The following ZNF346 variants were observed in gnomAD, a reference collection of about 807,000 sequenced individuals.
ZNF346 encodes the protein double-stranded RNA-binding zinc finger protein JAZ.
Under a neutral mutation model 33.7 loss-of-function variants are expected in ZNF346, and 23 were observed. That is an observed-to-expected ratio of 0.68 (90% CI 0.49 to 0.97). The LOEUF (loss-of-function observed/expected upper bound fraction) is 0.97. Ranked by LOEUF, ZNF346 falls within the 50% of genes least tolerant of loss-of-function variation. The pLI is 0.00. For missense variants in ZNF346, 340 were observed against 371.1 expected (o/e 0.92, Z 0.69); for synonymous variants, 134 against 142.4 (o/e 0.94, Z 0.42).
At chr5:177,037,303 C>G (rs1206837352) in intron 1 of ZNF346, among the ~76,000 whole-genome samples, 1 of 152,144 alleles carries the variant, frequency 6.6e-6, no homozygotes. Context: ...GCAATCTCTT[C>G]CAGCCCCACA....
chr5:177,022,891 C>T lies in ZNF346; in HGVS notation c.153C>T (p.Ala51=), dbSNP rs1382218206. 1 of 1,502,160 alleles carries T rather than the reference C, an allele frequency of 6.7e-7. No individual in the cohort carries two copies. The highest frequency in any genetic ancestry group is 1.4e-5 in the African/African-American group (1 of 71,128). The allele number at this position is 1,502,160 out of a possible 1,614,324, so 93.1% of individuals were successfully genotyped here. A position where few individuals can be genotyped will look rare whatever the true frequency, so the allele number is the denominator to read the frequency against. Residue 51 remains alanine, a synonymous_variant, in exon 1 of 7, where the codon GCC becomes GCT. Coordinates refer to ENST00000358149, the MANE Select transcript of ZNF346 (RefSeq NM_012279.4). ...GCCTGTGGGAAGCCGTGTCCGGTGC[C>T]CAGCCGGTGGGTAGAGAGGAAGGTG... is the stretch of plus-strand genomic sequence containing the variant. The part of the protein sequence containing the change: ...ARRLWEAVSG[A]QPVGREEVEH...
intron 1 of ZNF346, among the ~76,000 whole-genome samples, chr5:177,031,998 C>CTTTTT (rs34021834): frequency 4.6e-4 from 31 of 67,820 alleles, no homozygotes; most frequent in East Asian, 1.8e-3. Flanking sequence ...TTTCTTTTTT[C>CTTTTT]TTTTTTTTTT....
Position 177,041,843 on chromosome 5 carries a change from G to A in ZNF346, c.345G>A (p.Gly115=). The change falls in exon 3 of 7, where the codon GGG becomes GGA. Residue 115 remains glycine, a synonymous_variant. Transcript: ENST00000358149. ...LAIHGMETLK[G]ETKKLDSDQK... ...TCCATGGAATGGAGACATTAAAGGG[G>A]GAAACGAAGAAGCTAGACTCAGATC... The A allele has an allele frequency of 2.5e-6, 4 of 1,613,282 alleles. No homozygotes were observed. Among genetic ancestry groups the A allele is most frequent in the Non-Finnish European group, 3.4e-6 (4 of 1,179,334 alleles).
intron 8 of ZNF346, among the ~76,000 whole-genome samples, chr5:177,075,804 A>G (rs1783720882): frequency 6.6e-6 from 1 of 152,078 alleles, no homozygotes; most frequent in African/African-American, 2.4e-5. Flanking sequence ...CTCCTGTCTC[A>G]GCCTCCCAAT....
At chr5:177,054,670 A>G (rs1781432050) in intron 5 of ZNF346, among the ~76,000 whole-genome samples, 1 of 152,142 alleles carries the variant, frequency 6.6e-6, no homozygotes. Context: ...AAGTGCTGGG[A>G]TTACAGGCGT....
intron 4 of ZNF346, among the ~76,000 whole-genome samples, chr5:177,046,678 C>G (rs545776301): frequency 6.6e-6 from 1 of 152,310 alleles, no homozygotes; most frequent in African/African-American, 2.4e-5. Context: ...CAGATAAACA[C>G]TGTTAACATT....
downstream of ZNF346, among the ~76,000 whole-genome samples, chr5:177,068,930 T>C (rs1230672494): frequency 7.0e-6 from 1 of 143,398 alleles, no homozygotes; most frequent in Non-Finnish European, 1.5e-5. Context: ...CACTTACATG[T>C]ATACATTGGG....
chr5:177,074,405 G>A (rs1006566140), intron 8 of ZNF346, among the ~76,000 whole-genome samples: 18 of 152,158 alleles, frequency 1.2e-4, no homozygotes, highest in Non-Finnish European at 2.4e-4. Flanking sequence ...TCACTTCTTA[G>A]GGAGCACCTG....
At chr5:177,031,699 CTT>C (rs1491421320) in intron 1 of ZNF346, among the ~76,000 whole-genome samples, 1 of 152,040 alleles carries the variant, frequency 6.6e-6, no homozygotes, top group Non-Finnish European at 1.5e-5. Flanking sequence ...CTCTCTCTCT[CTT>C]CTCTCTTCTT....
At chr5:177,053,628 A>AG (rs1286184845) in intron 5 of ZNF346, among the ~76,000 whole-genome samples, 3 of 152,152 alleles carry the variant, frequency 2.0e-5, no homozygotes, top group African/African-American at 7.2e-5. Context: ...CTGTTAAGAG[A>AG]GGGAAAAAAA....
downstream of ZNF346, among the ~76,000 whole-genome samples, chr5:177,070,218 T>C (rs1490088846): frequency 2.6e-5 from 4 of 152,116 alleles, no homozygotes; most frequent in Non-Finnish European, 5.9e-5. Flanking sequence ...GCACTTGGTG[T>C]TGTCAGTTTT....
chr5:177,043,143 C>T (rs1205185467), intron 3 of ZNF346, among the ~76,000 whole-genome samples: 1 of 152,136 alleles, frequency 6.6e-6, no homozygotes, highest in Non-Finnish European at 1.5e-5. Flanking sequence ...TGAGCCACTG[C>T]GCCCAGCCGC....
chr5:177,071,010 G>C (rs886305875), downstream of ZNF346, among the ~76,000 whole-genome samples: 1 of 152,198 alleles, frequency 6.6e-6, no homozygotes, highest in East Asian at 1.9e-4. Context: ...CAAAGCAGCT[G>C]TTTGAATATA....
downstream of ZNF346, among the ~76,000 whole-genome samples, chr5:177,067,991 C>G (rs1783316879): frequency 6.6e-6 from 1 of 152,040 alleles, no homozygotes; most frequent in Non-Finnish European, 1.5e-5. Flanking sequence ...AGGAACAAGG[C>G]TGAAAAAGGT....
chr5:177,040,261 C>G (rs945195080), intron 1 of ZNF346, among the ~76,000 whole-genome samples: 7 of 151,976 alleles, frequency 4.6e-5, no homozygotes, highest in Non-Finnish European at 8.8e-5. Flanking sequence ...AAAGGTAAGA[C>G]TGTTCTCCAG....
intron 4 of ZNF346, 107 bp from the exon 5 acceptor site, chr5:177,050,644 C>A: frequency 7.8e-7 from 1 of 1,274,452 alleles, no homozygotes; most frequent in Non-Finnish European, 1.1e-6. Flanking sequence ...TCAGCATACT[C>A]AAAAGCCTGA....
Position 177,033,581 on chromosome 5 carries a change from T to G in ZNF346, c.176-7545T>G, listed in dbSNP as rs545433908. On this transcript the variant is annotated intron_variant, in intron 1 of 6. Coordinates refer to ENST00000358149, the MANE Select transcript of ZNF346 (RefSeq NM_012279.4). The stretch of plus-strand genomic sequence containing the variant: ...CTCTGTAGCCCAGGCTGGAGTGCAG[T>G]GGCATGATCTCTGCTCACTGCAAGC... Among the ~76,000 whole-genome samples the G allele has an allele frequency of 6.6e-5, 10 of 152,316 alleles. No individual in the cohort carries two copies. In the South Asian group the frequency reaches 1.9e-3, roughly 28 times the overall value.
chr5:177,068,012 G>T (rs578079279), downstream of ZNF346, among the ~76,000 whole-genome samples: 1 of 152,240 alleles, frequency 6.6e-6, no homozygotes, highest in African/African-American at 2.4e-5. Context: ...ATCATGATTT[G>T]CCCAAGGTCT....
At chr5:177,060,161 G>A (rs907887042) in intron 5 of ZNF346, among the ~76,000 whole-genome samples, 11 of 152,174 alleles carry the variant, frequency 7.2e-5, no homozygotes, top group South Asian at 2.1e-4. Flanking sequence ...TGGTTCCAGC[G>A]TGAGGAGGTT....
Sources: allele counts gnomAD v4.1 joint callset (sites outside exome capture counted in the v4.1 genomes callset), GRCh38; gene constraint gnomAD v4.1.1; transcripts MANE v1.5; gene names NCBI Gene and HGNC (gene_info 2026-07-23, HGNC 2026-07-21).